SLC5A11: variants seen among roughly 807,000 people sequenced by gnomAD.
SLC5A11 encodes solute carrier family 5 member 11.
Under a neutral mutation model 69.8 loss-of-function variants are expected in SLC5A11, and 48 were observed. That is an observed-to-expected ratio of 0.69 (90% CI 0.55 to 0.87). SLC5A11 has a LOEUF of 0.87. SLC5A11 is among the 40% of genes least tolerant of loss of function. SLC5A11 has a pLI of 0.00. For missense variants in SLC5A11, 784 were observed against 866.1 expected (o/e 0.91, Z 1.19); for synonymous variants, 319 against 342.4 (o/e 0.93, Z 0.75).
At chr16:24,889,949 TG>T (rs2152364423) in intron 8 of SLC5A11, among the ~76,000 whole-genome samples, 1 of 152,262 alleles carries the variant, frequency 6.6e-6, no homozygotes, top group South Asian at 2.1e-4. Flanking sequence ...TATGTATTTT[TG>T]CATTATTTAG....
At chr16:24,901,162 C>G (rs1259910427) in intron 10 of SLC5A11, among the ~76,000 whole-genome samples, 1 of 152,068 alleles carries the variant, frequency 6.6e-6, no homozygotes, top group African/African-American at 2.4e-5. Flanking sequence ...TAATATTTTA[C>G]AAGGCTTAAA....
rs1423683197 is a variant in SLC5A11 at position 24,864,803 on chromosome 16, G to GAGAT, written c.207+2136_207+2139dup. On this transcript the variant is annotated intron_variant, in intron 3 of 15. Coordinates refer to ENST00000347898, the Ensembl canonical transcript of SLC5A11. ...TAACTAAACAGAATATATCATTAAA[G>GAGAT]AGATAGATTTTTTTTTAAGTGGAAA... 2.7e-5 allele frequency among the ~76,000 whole-genome samples: 4 copies of GAGAT among 147,976 alleles called. No homozygotes were observed. The East Asian group carries it at 8.2e-4, about 30-fold the overall frequency.
chr16:24,858,524 G>A (rs760874382), intron 1 of SLC5A11, 96 bp from the exon 3 acceptor site: 154 of 1,090,568 alleles, frequency 1.4e-4, no homozygotes, highest in Non-Finnish European at 1.8e-4. Context: ...CTCCACATGG[G>A]TCCTCTTTCA....
intron 1 of SLC5A11, among the ~76,000 whole-genome samples, chr16:24,848,955 G>A (rs868833788): frequency 1.3e-5 from 2 of 152,048 alleles, no homozygotes; most frequent in African/African-American, 2.4e-5. Context: ...ATTATGTTTT[G>A]GAAGTAAGAG....
chr16:24,892,049 T>TAA lies in SLC5A11; in HGVS notation c.870+995_870+996dup, dbSNP rs35705061. On this transcript the variant is annotated intron_variant, in intron 9 of 15. Coordinates refer to ENST00000347898, the Ensembl canonical transcript of SLC5A11. ...CTGGGCAACATAGTGAGACCATCTCTAAAAAAAAAAAAAAAAAAAAAGTAA... is the reference window on the plus strand; with the variant it reads ...CTGGGCAACATAGTGAGACCATCTCTAAAAAAAAAAAAAAAAAAAAAAAGTAA... Among the ~76,000 whole-genome samples, 328 of 96,982 alleles carry TAA rather than the reference T, an allele frequency of 3.4e-3. 2 individuals are homozygous for TAA. The highest frequency in any genetic ancestry group is 5.5e-3 in the African/African-American group (145 of 26,290). The allele number at this position is 96,982 out of a possible 152,430, so 63.6% of individuals were successfully genotyped here.
At chr16:24,906,618 G>A (rs2050080295) in intron 10 of SLC5A11, 39 bp from the exon 12 acceptor site, 3 of 1,438,452 alleles carry the variant, frequency 2.1e-6, no homozygotes, top group Middle Eastern at 1.8e-4. Context: ...GGCTCTGGGG[G>A]CCTGACTGCT....
intron 5 of SLC5A11, 109 bp from the exon 7 acceptor site, chr16:24,875,518 T>C: frequency 1.2e-6 from 1 of 811,928 alleles, no homozygotes; most frequent in South Asian, 1.6e-5. Flanking sequence ...AAGAAGACCA[T>C]CTGTGCTCTG....
intron 8 of SLC5A11, among the ~76,000 whole-genome samples, chr16:24,887,140 TTC>T (rs2048447867): frequency 6.6e-6 from 1 of 152,198 alleles, no homozygotes; most frequent in African/African-American, 2.4e-5. Flanking sequence ...ACCAGCCAAG[TTC>T]TCTGTTTGCC....
chr16:24,905,074 A>G (rs144750275), intron 10 of SLC5A11, among the ~76,000 whole-genome samples: 4,897 of 152,000 alleles, frequency 0.032, 154 homozygotes, highest in Non-Finnish European at 0.046. Flanking sequence ...TTTGCTGGGA[A>G]TGATGGTTTC....
chr16:24,857,593 A>G (rs2059590274), intron 1 of SLC5A11, among the ~76,000 whole-genome samples: 1 of 152,146 alleles, frequency 6.6e-6, no homozygotes, highest in African/African-American at 2.4e-5. Context: ...CTTGGCTTGT[A>G]GCTCCATTAC....
intron 14 of SLC5A11, 103 bp downstream of exon 15, chr16:24,909,199 C>A: frequency 8.0e-7 from 1 of 1,253,554 alleles, no homozygotes; most frequent in Non-Finnish European, 1.1e-6. Flanking sequence ...GTCCAAAAAG[C>A]TGAAAAGTCC....
intron 2 of SLC5A11, among the ~76,000 whole-genome samples, chr16:24,859,693 A>G (rs2059679581): frequency 6.6e-6 from 1 of 152,230 alleles, no homozygotes; most frequent in Non-Finnish European, 1.5e-5. Flanking sequence ...ACTTCTCAGT[A>G]TCTTTTAGAT....
intron 6 of SLC5A11, among the ~76,000 whole-genome samples, chr16:24,876,016 G>A (rs145477923): frequency 0.01 from 1,541 of 152,058 alleles, 31 homozygotes; most frequent in African/African-American, 0.035. Context: ...CCAACATGGC[G>A]AAACCCCATC....
chr16:24,850,207 C>T (rs1038072007), intron 1 of SLC5A11, among the ~76,000 whole-genome samples: 1 of 152,190 alleles, frequency 6.6e-6, no homozygotes, highest in Non-Finnish European at 1.5e-5. Context: ...GCCTTGACCC[C>T]CCAGAATGCT....
intron 5 of SLC5A11, among the ~76,000 whole-genome samples, chr16:24,874,502 A>G (rs1055901833): frequency 1.3e-5 from 2 of 152,152 alleles, no homozygotes; most frequent in Non-Finnish European, 2.9e-5. Flanking sequence ...GTTACATTTT[A>G]TATTCTCCAA....
chr16:24,910,582 T>TG (rs1485834938), intron 15 of SLC5A11, 105 bp downstream of exon 16: 18 of 1,303,528 alleles, frequency 1.4e-5, no homozygotes, highest in Middle Eastern at 1.9e-4. Flanking sequence ...TGGGCAGACT[T>TG]GGAGTTTTAG....
intron 3 of SLC5A11, among the ~76,000 whole-genome samples, chr16:24,867,222 T>G (rs1235642168): frequency 2.0e-5 from 3 of 152,142 alleles, no homozygotes. Flanking sequence ...TAAATAACCT[T>G]GGAAAATTCC....
chr16:24,897,974 G>A lies in SLC5A11; in HGVS notation c.871G>A (p.Val291Met), dbSNP rs35825308. Residue 291 changes from valine to methionine, a missense_variant and splice_region_variant, in exon 10 of 16, where the codon GTG becomes ATG. Around this residue, in one of 3 missense-constraint regions of SLC5A11, gnomAD observed 550 missense variants for 606.4 expected, o/e 0.91. Coordinates refer to ENST00000347898, the Ensembl canonical transcript of SLC5A11. ...TTCCAACCCCCTTGATCTTTTCCAG[G>A]TGATTGTCCAGCGGACTCTGGCTGC... 1.0e-3 allele frequency: 1,630 copies of A among 1,613,898 alleles called. 4 individuals are homozygous for A. Among genetic ancestry groups the A allele is most frequent in the Admixed American group, 1.6e-3 (95 of 59,980 alleles).
rs552930760 is a variant in SLC5A11, at chr16:24,862,978, A to G, written c.207+306A>G. ...ATAATTATATATTATATAATATATA[A>G]TTATATAATATATAATCATATATTT... On this transcript the variant is annotated intron_variant, in intron 3 of 15. Coordinates refer to ENST00000347898, the Ensembl canonical transcript of SLC5A11. Among the ~76,000 whole-genome samples, 249 of 134,254 alleles carry G rather than the reference A, an allele frequency of 1.9e-3. 1 individual carries two copies. Among genetic ancestry groups the G allele is most frequent in the African/African-American group, 7.1e-3 (239 of 33,682 alleles). The allele number at this position is 134,254 out of a possible 152,430, so 88.1% of individuals were successfully genotyped here.
Sources: gnomAD v4.1 joint callset for allele counts (sites outside exome capture counted in the v4.1 genomes callset) on GRCh38, gnomAD v4.1.1 for gene constraint, gnomAD v4.1.1 regional missense constraint, MANE v1.5 for transcripts, NCBI Gene and HGNC (gene_info 2026-07-23, HGNC 2026-07-21) for gene names.